Variants in SGCD observed in about 807,000 individuals in gnomAD.
SGCD encodes the protein delta-sarcoglycan.
Under a neutral mutation model 36.6 loss-of-function variants are expected in SGCD, and 18 were observed. That is an observed-to-expected ratio of 0.49 (90% CI 0.34 to 0.73). SGCD has a LOEUF of 0.73. Among genes scored for constraint, SGCD ranks in the 30% least tolerant of loss-of-function variants. The probability of loss-of-function intolerance (pLI) is 0.01; values close to 1 mark genes in which losing one functional copy is unlikely to be tolerated. For missense variants in SGCD, 387 were observed against 346.7 expected, an observed-to-expected ratio of 1.12 and a Z score of -0.92; for synonymous variants, 133 against 130.6, an observed-to-expected ratio of 1.02 and a Z score of -0.12.
intron 3 of SGCD, among the ~76,000 whole-genome samples, chr5:156,463,610 G>A (rs1754591009): frequency 6.6e-6 from 1 of 152,118 alleles, no homozygotes. Context: ...GTAGATCTTT[G>A]TTCTCCTAAT....
the SGCD span, among the ~76,000 whole-genome samples, chr5:155,848,925 G>T: frequency 6.6e-6 from 1 of 152,180 alleles, no homozygotes; most frequent in African/African-American, 2.4e-5. Flanking sequence ...ATGAATACAT[G>T]AATGAATTAA....
chr5:156,522,313 G>A (rs1757444786), intron 4 of SGCD, among the ~76,000 whole-genome samples: 1 of 151,994 alleles, frequency 6.6e-6, no homozygotes, highest in Non-Finnish European at 1.5e-5. Flanking sequence ...TGCACGTTGT[G>A]CACATGTACC....
chr5:155,750,935 A>G, the SGCD span, among the ~76,000 whole-genome samples: 1 of 152,180 alleles, frequency 6.6e-6, no homozygotes, highest in Non-Finnish European at 1.5e-5. Context: ...CCTGGGGCAA[A>G]AGAAAGATGG....
intron 3 of SGCD, among the ~76,000 whole-genome samples, chr5:156,221,531 C>A (rs1020046362): frequency 6.6e-6 from 1 of 151,616 alleles, no homozygotes; most frequent in Non-Finnish European, 1.5e-5. Flanking sequence ...CACCTACCTT[C>A]TGGGTTGTTG....
chr5:156,197,472 C>CTTTTTTT (rs368116194), intron 3 of SGCD, among the ~76,000 whole-genome samples: 28,158 of 132,380 alleles, frequency 0.21, 2,944 homozygotes, highest in East Asian at 0.54. Context: ...AATAGTTTTC[C>CTTTTTTT]TTTTTTTTTT....
chr5:156,227,906 T>A (rs1184693551), intron 3 of SGCD, among the ~76,000 whole-genome samples: 2 of 152,176 alleles, frequency 1.3e-5, no homozygotes, highest in Non-Finnish European at 2.9e-5. Context: ...GATCCAATGC[T>A]CATTCAGGAG....
At chr5:155,742,641 G>C in the SGCD span, among the ~76,000 whole-genome samples, 1 of 152,136 alleles carries the variant, frequency 6.6e-6, no homozygotes, top group East Asian at 1.9e-4. Flanking sequence ...AATGTTTGTG[G>C]TTCCCCCCAC....
chr5:155,758,312 T>C, the SGCD span, among the ~76,000 whole-genome samples: 592 of 152,268 alleles, frequency 3.9e-3, 5 homozygotes, highest in African/African-American at 0.013. Context: ...ATTTTCCTGA[T>C]TGGTGTTAGC....
the SGCD span, among the ~76,000 whole-genome samples, chr5:155,738,847 ATG>A: frequency 7.6e-6 from 1 of 130,808 alleles, no homozygotes; most frequent in African/African-American, 2.9e-5. Flanking sequence ...GTGAGAGAGT[ATG>A]TATATGAGAG....
chr5:155,786,240 G>A, the SGCD span, among the ~76,000 whole-genome samples: 1 of 152,180 alleles, frequency 6.6e-6, no homozygotes, highest in Non-Finnish European at 1.5e-5. Context: ...ATTGGCTCAT[G>A]GAACTCAAGT....
At chr5:155,927,627 G>T (rs1458262536) in intron 1 of SGCD, among the ~76,000 whole-genome samples, 2 of 152,150 alleles carry the variant, frequency 1.3e-5, no homozygotes, top group Non-Finnish European at 1.5e-5. Flanking sequence ...AGTAGTAATT[G>T]GTAAAGCAGT....
At chr5:156,292,210 T>C (rs2135033) in intron 3 of SGCD, among the ~76,000 whole-genome samples, 63,643 of 151,906 alleles carry the variant, frequency 0.42, 14,451 homozygotes, top group African/African-American at 0.58. Context: ...ATGAAAGCAT[T>C]ACTACCACTT....
chr5:156,030,178 A>G (rs781110708), intron 1 of SGCD, among the ~76,000 whole-genome samples: 5 of 152,234 alleles, frequency 3.3e-5, no homozygotes, highest in African/African-American at 7.2e-5. Flanking sequence ...TAGGGGTGAT[A>G]TGTAATATAT....
chr5:156,734,808 A>G (rs1561884638), intron 7 of SGCD, among the ~76,000 whole-genome samples: 1 of 152,014 alleles, frequency 6.6e-6, no homozygotes, highest in Non-Finnish European at 1.5e-5. Context: ...GTTACAATGT[A>G]CTCTTTTATT....
Position 156,759,274 on chromosome 5 carries a change from C to G in SGCD, c.757C>G (p.Pro253Ala), listed in dbSNP as rs1438864299. The change falls in exon 9 of 9, where the codon CCT (proline) becomes GCT (alanine). Residue 253 changes from proline to alanine, a missense_variant. Coordinates refer to ENST00000337851, the MANE Select transcript of SGCD (RefSeq NM_000337.6). ...LPRLPHGSYTPTGTRQKVFEI... is the reference protein window; with the variant it reads ...LPRLPHGSYTATGTRQKVFEI... ...TAGACTGCCTCATGGATCCTACACG[C>G]CTACAGGAACGAGGCAGAAGGTCTT... 2 of 1,613,558 alleles carry G rather than the reference C, an allele frequency of 1.2e-6. No homozygotes were observed. The highest frequency in any genetic ancestry group is 2.2e-5 in the East Asian group (1 of 44,876).
At chr5:155,806,883 A>G in the SGCD span, among the ~76,000 whole-genome samples, 1 of 152,224 alleles carries the variant, frequency 6.6e-6, no homozygotes, top group Non-Finnish European at 1.5e-5. Flanking sequence ...TCAGAACAGA[A>G]AACAGTAATC....
At chr5:156,182,539 G>T (rs1763634170) in intron 3 of SGCD, among the ~76,000 whole-genome samples, 1 of 152,186 alleles carries the variant, frequency 6.6e-6, no homozygotes, top group South Asian at 2.1e-4. Flanking sequence ...GGCGGTTGCA[G>T]TGAGCTGAGA....
chr5:155,966,435 A>G (rs532698548), intron 1 of SGCD, among the ~76,000 whole-genome samples: 2 of 152,280 alleles, frequency 1.3e-5, no homozygotes, highest in African/African-American at 4.8e-5. Flanking sequence ...TGATGCAAGA[A>G]ATTAATAAGA....
At chr5:156,580,337 G>T (rs944505231) in intron 4 of SGCD, among the ~76,000 whole-genome samples, 1 of 152,164 alleles carries the variant, frequency 6.6e-6, no homozygotes, top group South Asian at 2.1e-4. Flanking sequence ...CTCTTTGGCT[G>T]CCTTTAACAT....
Sources: gnomAD v4.1 joint callset for allele counts (sites outside exome capture counted in the v4.1 genomes callset) on GRCh38, gnomAD v4.1.1 for gene constraint, MANE v1.5 for transcripts, NCBI Gene and HGNC (gene_info 2026-07-23, HGNC 2026-07-21) for gene names.